The following NEURL4 variants were observed in gnomAD, a reference collection of about 807,000 sequenced individuals.
NEURL4 encodes neuralized-like protein 4.
NEURL4 carries 45 observed loss-of-function variants against 148.0 expected under a neutral mutation model. The observed-to-expected ratio is 0.30, with a 90% CI of 0.24 to 0.39. The LOEUF is 0.39. Among genes scored for constraint, NEURL4 ranks in the 10% least tolerant of loss-of-function variants. The pLI is 1.00. For synonymous variants in NEURL4, 854 were observed against 869.0 expected (o/e 0.98, Z 0.30); for missense variants, 1,776 against 2,144.0 (o/e 0.83, Z 3.39).
rs1449192420 is a variant in NEURL4, at chr17:7,325,713, C to T, written c.1294G>A (p.Glu432Lys). Residue 432 changes from glutamate to lysine, a missense_variant and splice_region_variant, in exon 7 of 29, where the codon GAG (glutamate) becomes AAG (lysine). Coordinates refer to ENST00000399464, the MANE Select transcript of NEURL4 (RefSeq NM_032442.3). ...CTTGTGAGGCCAATGTGGTCACCCT[C>T]CTAATCAAAGAAGACAAACAGTTTA... ...YCEFSLDELQ[E>K]GDHIGLTRKS... 4 of 1,613,370 alleles carry T rather than the reference C, an allele frequency of 2.5e-6. No individual in the cohort carries two copies. The highest frequency in any genetic ancestry group is 1.7e-5 in the Admixed American group (1 of 60,004).
intron 21 of NEURL4, among the ~76,000 whole-genome samples, chr17:7,319,615 G>A (rs1457347390): frequency 2.0e-5 from 3 of 149,520 alleles, no homozygotes; most frequent in East Asian, 2.1e-4. Context: ...CAGAAGAATC[G>A]CTTGAACCCG....
rs766466627 is a variant in NEURL4 at position 7,321,688 on chromosome 17, C to G, written c.2971G>C (p.Gly991Arg). 15 of 1,613,586 alleles carry G rather than the reference C, an allele frequency of 9.3e-6. No homozygotes were observed. The highest frequency in any genetic ancestry group is 3.3e-4 in the Middle Eastern group (2 of 6,084). ...GGCAGGGAAGGAGGCAGCCCTGGGC[C>G]ACCACCGCCTGCCCCGGGTCCCATC... is the stretch of plus-strand genomic sequence containing the variant. ...GEMGPGAGGG[G>R]PGLPPSLPEL... The change falls in exon 18 of 29, where the codon GGC (glycine) becomes CGC (arginine). Residue 991 changes from glycine to arginine, a missense_variant. Coordinates refer to ENST00000399464, the MANE Select transcript of NEURL4 (RefSeq NM_032442.3). The surrounding 1 kb of genome is among the most constrained non-coding windows in gnomAD (Gnocchi z 6.3).
chr17:7,325,077 G>C, intron 8 of NEURL4, 97 bp from the exon 9 acceptor site: 1 of 1,559,248 alleles, frequency 6.4e-7, no homozygotes, highest in Non-Finnish European at 8.7e-7. Flanking sequence ...ACTGCCCCAA[G>C]CCAAAGAACT....
Position 7,321,324 on chromosome 17 carries a change from C to A in NEURL4, c.3198+37G>T. The A allele has an allele frequency of 6.2e-7, 1 of 1,613,766 alleles. No homozygotes were observed. On this transcript the variant is annotated intron_variant, in intron 19 of 28. Coordinates refer to ENST00000399464, the MANE Select transcript of NEURL4 (RefSeq NM_032442.3). The surrounding 1 kb of genome is among the most constrained non-coding windows in gnomAD (Gnocchi z 6.3). ...ATCAGAGATCAGCAGAAGACCTCAA[C>A]CATCCTCCCAGAACCCAAGGAAGCG...
At position 7,324,078 on chromosome 17, in the gene NEURL4, C is replaced by T. The variant is rs749422043; in HGVS notation, c.2062+30G>A. On this transcript the variant is annotated intron_variant, in intron 11 of 28. Coordinates refer to ENST00000399464, the MANE Select transcript of NEURL4 (RefSeq NM_032442.3). This position sits in a 1 kb window ranked among gnomAD's most constrained non-coding sequence, Gnocchi z 5.9. The stretch of plus-strand genomic sequence containing the variant: ...CTCAGACCTCCCAAGGCCACCCTAA[C>T]CCCCAGCCCCAGCCCAGCCCGGCCC... 8.1e-6 allele frequency: 13 copies of T among 1,610,272 alleles called. No homozygotes were observed. Among genetic ancestry groups the T allele is most frequent in the Non-Finnish European group, 1.1e-5 (13 of 1,179,554 alleles).
At position 7,324,012 on chromosome 17, in the gene NEURL4, T is replaced by C; in HGVS notation, c.2063A>G (p.Glu688Gly). The C allele has an allele frequency of 6.2e-7, 1 of 1,609,222 alleles. No individual in the cohort carries two copies. Among genetic ancestry groups the C allele is most frequent in the Non-Finnish European group, 8.5e-7 (1 of 1,179,996 alleles). The change falls in exon 12 of 29, where the codon GAG becomes GGG. Residue 688 changes from glutamate (E) to glycine (G), a missense_variant and splice_region_variant. Transcript: ENST00000399464. The surrounding 1 kb of genome is among the most constrained non-coding windows in gnomAD (Gnocchi z 5.9). ...GAGTGGTTCAGGAACTGGAGCCACC[T>C]CTGTAAAAGTGGACATCACCCATCA... The part of the protein sequence containing the change: ...AAQATIVDDV[E>G]VAPVPEPLPE...
Position 7,323,039 on chromosome 17 carries a change from A to G in NEURL4, c.2502T>C (p.Ile834=), listed in dbSNP as rs2143012665. The G allele has an allele frequency of 6.2e-7, 1 of 1,613,772 alleles. No homozygotes were observed. The highest frequency in any genetic ancestry group is 8.5e-7 in the Non-Finnish European group (1 of 1,179,990). ...CGCCCTTGGCAGTTCGCATCATGCC[A>G]ATGCGTGCACCTGTGCCCAGCGCAT... The part of the protein sequence containing the change: ...DLDALGTGAR[I]GMMRTAKGDL... Residue 834 remains isoleucine (I), a synonymous_variant, in exon 15 of 29, where the codon ATT becomes ATC. Coordinates refer to ENST00000399464, the MANE Select transcript of NEURL4 (RefSeq NM_032442.3).
In NEURL4 at chr17:7,326,772, T is replaced by G. The variant is rs2143013446; in HGVS notation, c.1031A>C (p.Asp344Ala). 1 of 1,613,294 alleles carries G rather than the reference T, an allele frequency of 6.2e-7. No individual in the cohort carries two copies. The highest frequency in any genetic ancestry group is 1.1e-5 in the South Asian group (1 of 91,000). ...CATGACAACCCCATTGTTGAATTCATCCAGGGGCCGCCGGCGCTCAGCCGT... is the reference window on the plus strand; with the variant it reads ...CATGACAACCCCATTGTTGAATTCAGCCAGGGGCCGCCGGCGCTCAGCCGT... Reference protein sequence around the residue: ...NKTAERRRPLDEFNNGVVMTN... With the variant: ...NKTAERRRPLAEFNNGVVMTN... The change falls in exon 4 of 29, where the codon GAT (aspartate) becomes GCT (alanine). Residue 344 changes from aspartate to alanine, a missense_variant. Coordinates refer to ENST00000399464, the MANE Select transcript of NEURL4 (RefSeq NM_032442.3). This position sits in a 1 kb window ranked among gnomAD's most constrained non-coding sequence, Gnocchi z 6.0.
intron 21 of NEURL4, among the ~76,000 whole-genome samples, chr17:7,319,634 A>G (rs1472101572): frequency 6.9e-6 from 1 of 145,174 alleles, no homozygotes; most frequent in Non-Finnish European, 1.5e-5. Context: ...CGGGAGGTGG[A>G]GGTTGCGGTG....
chr17:7,327,764 C>A lies in NEURL4; in HGVS notation c.403G>T (p.Val135Leu), dbSNP rs554937924. The change falls in exon 2 of 29, where the codon GTG becomes TTG. Residue 135 changes from valine to leucine, a missense_variant. By Grantham distance (32) the Val-to-Leu change is conservative (BLOSUM62 1). Coordinates refer to ENST00000399464, the MANE Select transcript of NEURL4 (RefSeq NM_032442.3). This position sits in a 1 kb window ranked among gnomAD's most constrained non-coding sequence, Gnocchi z 6.6. ...GGSWVVSGCS[V>L]LRDGRSVLEE... ...AACACAGAGCGTCCATCTCTCAGCA[C>A]AGAGCAGCCCGACACTACCCACGAG... The A allele has an allele frequency of 8.7e-6, 14 of 1,614,088 alleles. No individual in the cohort carries two copies. In the South Asian group the frequency reaches 1.3e-4, roughly 15 times the overall value.
At chr17:7,328,760 C>G (rs1342903875) in intron 1 of NEURL4, among the ~76,000 whole-genome samples, 2 of 152,208 alleles carry the variant, frequency 1.3e-5, no homozygotes, top group Non-Finnish European at 2.9e-5. Context: ...AGAAATTGTA[C>G]CAGGAGGTCT....
chr17:7,325,244 G>A lies in NEURL4; in HGVS notation c.1596C>T (p.Ala532=), dbSNP rs1178932709. ...GGGCAGTGCGTCCCTCGTGGGTGAT[G>A]GCTGCCTTCTGCCCACAGTTGGGGT... ...LFHPNCGQKA[A]ITHEGRTALR... is the part of the protein sequence containing the mutation. The change falls in exon 8 of 29, where the codon GCC becomes GCT. Residue 532 remains alanine (A), a synonymous_variant. Coordinates refer to ENST00000399464, the MANE Select transcript of NEURL4 (RefSeq NM_032442.3). The A allele has an allele frequency of 6.2e-7, 1 of 1,605,068 alleles. No homozygotes were observed. The highest frequency in any genetic ancestry group is 8.5e-7 in the Non-Finnish European group (1 of 1,177,354).
In NEURL4 at chr17:7,317,933, C is replaced by T; in HGVS notation, c.4061-1G>A. 1 of 1,614,212 alleles carries T rather than the reference C, an allele frequency of 6.2e-7. No individual in the cohort carries two copies. The highest frequency in any genetic ancestry group is 8.5e-7 in the Non-Finnish European group (1 of 1,180,028). On this transcript the variant is annotated splice_acceptor_variant, in intron 25 of 28. Coordinates refer to ENST00000399464, the MANE Select transcript of NEURL4 (RefSeq NM_032442.3). LOFTEE classifies it high-confidence loss of function. The stretch of plus-strand genomic sequence containing the variant: ...TTTGGCGGAGGCATGAAATAATCTT[C>T]TGCGGGACAGTGAGTAGCAGGCTTG...
In NEURL4 at chr17:7,316,279, G is replaced by A. The variant is rs1379361387; in HGVS notation, c.4533C>T (p.Phe1511=). ...SQRTHQAQVA[F]QVCVRPGSYT... ...AGGAGCCAGGGCGCACACACACCTG[G>A]AACGCCACCTGAGCCTGGTGCGTCC... The change falls in exon 29 of 29, where the codon TTC becomes TTT. Residue 1511 remains phenylalanine, a synonymous_variant. Coordinates refer to ENST00000399464, the MANE Select transcript of NEURL4 (RefSeq NM_032442.3). 6.2e-7 allele frequency: 1 copy of A among 1,613,318 alleles called. No homozygotes were observed. Among genetic ancestry groups the A allele is most frequent in the Non-Finnish European group, 8.5e-7 (1 of 1,180,014 alleles).
chr17:7,323,547 C>A lies in NEURL4; in HGVS notation c.2355G>T (p.Arg785=). Residue 785 remains arginine, a synonymous_variant, in exon 14 of 29, where the codon CGG becomes CGT. Transcript: ENST00000399464. The part of the protein sequence containing the change: ...GSIEAGVTAI[R]PEDLEFPNTM... ...TGTTGGGGAATTCCAGGTCTTCAGG[C>A]CGAATAGCAGTCACTCCTGGGAGGA... 6.2e-7 allele frequency: 1 copy of A among 1,614,210 alleles called. No individual in the cohort carries two copies. The highest frequency in any genetic ancestry group is 8.5e-7 in the Non-Finnish European group (1 of 1,180,038).
rs750167584 is a variant in NEURL4 at position 7,324,017 on chromosome 17, A to G, written c.2063-5T>C. ...GTTCAGGAACTGGAGCCACCTCTGT[A>G]AAAGTGGACATCACCCATCAGGTCT... On this transcript the variant is annotated splice_region_variant and splice_polypyrimidine_tract_variant and intron_variant, in intron 11 of 28. Transcript: ENST00000399464. The surrounding 1 kb of genome is among the most constrained non-coding windows in gnomAD (Gnocchi z 5.9). 8 of 1,609,074 alleles carry G rather than the reference A, an allele frequency of 5.0e-6. No homozygotes were observed. In the Admixed American group the frequency reaches 1.2e-4, roughly 23 times the overall value.
rs1345655930 is a variant in NEURL4, at chr17:7,327,814, C to A, written c.353G>T (p.Ser118Ile). The A allele has an allele frequency of 6.2e-7, 1 of 1,613,930 alleles. No homozygotes were observed. Among genetic ancestry groups the A allele is most frequent in the East Asian group, 2.2e-5 (1 of 44,878 alleles). Reference sequence around the variant, plus strand: ...GCCCCCCTTCAGGCCCGTGGCACTGCTTGGAAAGTCCAGCACACTGGGGTC... The same window carrying A: ...GCCCCCCTTCAGGCCCGTGGCACTGATTGGAAAGTCCAGCACACTGGGGTC... ...ALDPSVLDFPSSATGLKGGSW... is the reference protein window; with the variant it reads ...ALDPSVLDFPISATGLKGGSW... The change falls in exon 2 of 29, where the codon AGC (serine) becomes ATC (isoleucine). Residue 118 changes from serine to isoleucine, a missense_variant. Physicochemically the swap from Ser to Ile is moderately radical, Grantham distance 142. Coordinates refer to ENST00000399464, the MANE Select transcript of NEURL4 (RefSeq NM_032442.3). This position sits in a 1 kb window ranked among gnomAD's most constrained non-coding sequence, Gnocchi z 6.6.
chr17:7,318,210 C>G lies in NEURL4; in HGVS notation c.3953-38G>C. On this transcript the variant is annotated intron_variant, in intron 24 of 28. Transcript: ENST00000399464. This position sits in a 1 kb window ranked among gnomAD's most constrained non-coding sequence, Gnocchi z 4.3. ...AGGGGCACAGGTCACAGGAGCTGGGCTAGAAGGGTGAGGGTGGGGGAGTAG... is the reference window on the plus strand; with the variant it reads ...AGGGGCACAGGTCACAGGAGCTGGGGTAGAAGGGTGAGGGTGGGGGAGTAG... 1 of 1,612,286 alleles carries G rather than the reference C, an allele frequency of 6.2e-7. No homozygotes were observed. Among genetic ancestry groups the G allele is most frequent in the Non-Finnish European group, 8.5e-7 (1 of 1,178,352 alleles).
intron 28 of NEURL4, 40 bp from the exon 29 acceptor site, chr17:7,316,367 C>T (rs747919781): frequency 3.3e-6 from 5 of 1,505,466 alleles, no homozygotes; most frequent in Non-Finnish European, 4.6e-6. Context: ...AGCCTCTCGC[C>T]CCATCACCTC....
Sources: allele counts gnomAD v4.1 joint callset (sites outside exome capture counted in the v4.1 genomes callset), GRCh38; gene constraint gnomAD v4.1.1; non-coding constraint Gnocchi (gnomAD v3.1); transcripts MANE v1.5; gene names NCBI Gene and HGNC (gene_info 2026-07-23, HGNC 2026-07-21).